The following NSD3 variants were observed in gnomAD, a reference collection of about 807,000 sequenced individuals.
NSD3 encodes the protein histone-lysine N-methyltransferase NSD3.
In NSD3, 24 loss-of-function variants were observed where a neutral mutation model predicts 160.8. The observed-to-expected ratio is 0.15, with a 90% CI of 0.11 to 0.21. The LOEUF (loss-of-function observed/expected upper bound fraction) is 0.21. NSD3 is among the 10% of genes least tolerant of loss of function. The pLI, the probability that NSD3 is intolerant of heterozygous loss-of-function variation, is 1.00. For synonymous variants in NSD3, 520 were observed against 600.0 expected (o/e 0.87, Z 1.95); for missense variants, 1,157 against 1,735.9 (o/e 0.67, Z 5.93).
At chr8:38,351,347 T>C (rs1014741688) in intron 1 of NSD3, among the ~76,000 whole-genome samples, 1 of 151,576 alleles carries the variant, frequency 6.6e-6, no homozygotes, top group Admixed American at 6.6e-5. Context: ...ATGAACTGAT[T>C]GTAGCTTCCT....
intron 1 of NSD3, among the ~76,000 whole-genome samples, chr8:38,369,068 C>T (rs1811174377): frequency 2.0e-5 from 3 of 152,160 alleles, no homozygotes; most frequent in Non-Finnish European, 4.4e-5. Context: ...GTTTTTAAGG[C>T]ACTAAGCAAT....
chr8:38,294,103 T>C (rs1290672511), intron 16 of NSD3, among the ~76,000 whole-genome samples: 3 of 152,158 alleles, frequency 2.0e-5, no homozygotes, highest in African/African-American at 4.8e-5. Flanking sequence ...TTGTTGTTTT[T>C]TTCTGAGACA....
Position 38,319,092 on chromosome 8 carries a change from C to G in NSD3, c.1810-152G>C. 1 of 695,568 alleles carries G rather than the reference C, an allele frequency of 1.4e-6. No individual in the cohort carries two copies. The highest frequency in any genetic ancestry group is 4.2e-4 in the Middle Eastern group (1 of 2,376). 43.1% of individuals were successfully genotyped at this position (695,568 alleles called of 1,614,324 possible). A position where few individuals can be genotyped will look rare whatever the true frequency, so the allele number is the denominator to read the frequency against. ...AGTCCCATCTTTTGGGTAAAGTTCTCTGTCTCAAGATCAGGGAGGGTTTAA... is the reference window on the plus strand; with the variant it reads ...AGTCCCATCTTTTGGGTAAAGTTCTGTGTCTCAAGATCAGGGAGGGTTTAA... On this transcript the variant is annotated intron_variant, in intron 8 of 23. Transcript: ENST00000317025. This position sits in a 1 kb window ranked among gnomAD's most constrained non-coding sequence, Gnocchi z 4.1.
intron 1 of NSD3, among the ~76,000 whole-genome samples, chr8:38,361,754 C>CAAAAAAAA (rs756700150): frequency 6.4e-5 from 2 of 31,122 alleles, no homozygotes; most frequent in African/African-American, 1.2e-4. Context: ...GACTCCGTCT[C>CAAAAAAAA]AAAAAAAAAA....
intron 4 of NSD3, among the ~76,000 whole-genome samples, chr8:38,332,794 T>C (rs772753002): frequency 3.3e-5 from 5 of 152,044 alleles, no homozygotes; most frequent in African/African-American, 1.2e-4. Context: ...CATAGTAGAC[T>C]AGACATTTGA....
chr8:38,284,980 C>T (rs943201593), intron 19 of NSD3, among the ~76,000 whole-genome samples: 1 of 152,142 alleles, frequency 6.6e-6, no homozygotes, highest in African/African-American at 2.4e-5. Flanking sequence ...GATCTTTAGC[C>T]TCAAAGAGAT....
intron 4 of NSD3, among the ~76,000 whole-genome samples, chr8:38,335,061 G>A (rs1563358690): frequency 1.4e-5 from 2 of 142,590 alleles, no homozygotes; most frequent in Admixed American, 7.3e-5. Context: ...TCGGCTCACT[G>A]CAACCGCAAC....
At chr8:38,304,443 A>C in intron 14 of NSD3, 144 bp downstream of exon 14, 1 of 640,688 alleles carries the variant, frequency 1.6e-6, no homozygotes, top group Admixed American at 2.9e-5. Context: ...CATCTCTCTC[A>C]GGGATATATT....
chr8:38,377,554 G>A (rs1811425306), intron 1 of NSD3, among the ~76,000 whole-genome samples: 2 of 151,942 alleles, frequency 1.3e-5, no homozygotes, highest in African/African-American at 4.8e-5. Context: ...TCGTCATGTT[G>A]GCCAGACTGG....
At chr8:38,350,921 G>T (rs1428772849) in intron 1 of NSD3, among the ~76,000 whole-genome samples, 2 of 151,496 alleles carry the variant, frequency 1.3e-5, no homozygotes, top group East Asian at 3.9e-4. Flanking sequence ...AAGATTAATG[G>T]ACAATCCATA....
intron 2 of NSD3, among the ~76,000 whole-genome samples, chr8:38,342,252 T>A (rs1345920115): frequency 2.6e-5 from 4 of 152,172 alleles, no homozygotes; most frequent in Non-Finnish European, 4.4e-5. Flanking sequence ...AAAATGTACG[T>A]GAGCAAAACA....
Position 38,276,514 on chromosome 8 carries a change from A to C in NSD3, c.3868-14T>G. On this transcript the variant is annotated splice_polypyrimidine_tract_variant and intron_variant, in intron 22 of 23. Transcript: ENST00000317025. ...CGCACATGCCGACTGGCAGGAAAGA[A>C]AGGATCATAGTTTCAAACATCACAG... The C allele has an allele frequency of 1.2e-6, 2 of 1,613,940 alleles. No homozygotes were observed. Among genetic ancestry groups the C allele is most frequent in the Non-Finnish European group, 1.7e-6 (2 of 1,179,884 alleles).
chr8:38,275,442 A>G lies in NSD3; in HGVS notation c.*199T>C. 1.8e-6 allele frequency: 1 copy of G among 562,988 alleles called. No homozygotes were observed. Among genetic ancestry groups the G allele is most frequent in the South Asian group, 2.5e-5 (1 of 39,388 alleles). 34.9% of individuals were successfully genotyped at this position (562,988 alleles called of 1,614,324 possible). On this transcript the variant is annotated 3_prime_UTR_variant, in exon 24 of 24. Transcript: ENST00000317025. Reference sequence around the variant, plus strand: ...GACCAAGGGAATTTAACCCTCCACAAAAGAATCCCAAACCAACCAAATCAA... The same window carrying G: ...GACCAAGGGAATTTAACCCTCCACAGAAGAATCCCAAACCAACCAAATCAA...
intron 6 of NSD3, among the ~76,000 whole-genome samples, chr8:38,328,519 G>A (rs577620842): frequency 6.6e-6 from 1 of 152,296 alleles, no homozygotes; most frequent in East Asian, 1.9e-4. Flanking sequence ...CAGGTTAAAA[G>A]AGCACCCTTG....
chr8:38,355,602 T>C (rs960423902), intron 1 of NSD3, among the ~76,000 whole-genome samples: 3 of 152,128 alleles, frequency 2.0e-5, no homozygotes, highest in Non-Finnish European at 4.4e-5. Context: ...CAAGGAGGCA[T>C]TTAGGCCATG....
intron 16 of NSD3, among the ~76,000 whole-genome samples, chr8:38,292,242 T>C (rs1809013181): frequency 1.3e-5 from 2 of 152,250 alleles, no homozygotes; most frequent in South Asian, 4.1e-4. Context: ...GCACTTCTTC[T>C]AAAAATTAAA....
chr8:38,378,863 T>C (rs1811468815), intron 1 of NSD3, among the ~76,000 whole-genome samples: 1 of 150,214 alleles, frequency 6.7e-6, no homozygotes. Context: ...TTCATAAAAC[T>C]GTTAGGAGGA....
At position 38,273,011 on chromosome 8, in the gene NSD3, G is replaced by GC. The variant is rs1371126785; in HGVS notation, c.*2629dup. On this transcript the variant is annotated 3_prime_UTR_variant, in exon 24 of 24. Transcript: ENST00000317025. ...TTTAGACCATTAAAGAACATTCATGGCCAAAGACTTCAGAACTATGGTTAC... is the reference window on the plus strand; with the variant it reads ...TTTAGACCATTAAAGAACATTCATGGCCCAAAGACTTCAGAACTATGGTTAC... The GC allele has an allele frequency of 1.3e-5, 2 of 152,164 alleles. No homozygotes were observed. The highest frequency in any genetic ancestry group is 4.8e-5 in the African/African-American group (2 of 41,422). 9.4% of individuals were successfully genotyped at this position (152,164 alleles called of 1,614,324 possible). A position where few individuals can be genotyped will look rare whatever the true frequency, so the allele number is the denominator to read the frequency against.
rs1809796203 is a variant in NSD3 at position 38,321,582 on chromosome 8, T to C, written c.1709-410A>G. ...TAGAAATTATTGGTTCAAAATTCAA[T>C]CAGTGCCACACATTCTGCATTTTAA... On this transcript the variant is annotated intron_variant, in intron 7 of 23. Coordinates refer to ENST00000317025, the MANE Select transcript of NSD3 (RefSeq NM_023034.2). The surrounding 1 kb of genome is among the most constrained non-coding windows in gnomAD (Gnocchi z 4.7). Among the ~76,000 whole-genome samples the C allele has an allele frequency of 6.6e-6, 1 of 152,210 alleles. No individual in the cohort carries two copies. The highest frequency in any genetic ancestry group is 1.5e-5 in the Non-Finnish European group (1 of 68,028).
Sources: gnomAD v4.1 joint callset for allele counts (sites outside exome capture counted in the v4.1 genomes callset) on GRCh38, gnomAD v4.1.1 for gene constraint, Gnocchi (gnomAD v3.1) non-coding constraint, MANE v1.5 for transcripts, NCBI Gene and HGNC (gene_info 2026-07-23, HGNC 2026-07-21) for gene names.